SYNE2: variants seen among roughly 807,000 people sequenced by gnomAD.
SYNE2 encodes the protein nesprin-2.
Under a neutral mutation model 856.3 loss-of-function variants are expected in SYNE2, and 431 were observed. The ratio of observed to expected loss-of-function variants is 0.50; its 90% CI spans 0.47 to 0.55. The LOEUF is 0.55. Among genes scored for constraint, SYNE2 ranks in the 20% least tolerant of loss-of-function variants. The pLI, the probability that SYNE2 is intolerant of heterozygous loss-of-function variation, is 0.00. For missense variants in SYNE2, 8,129 were observed against 8,023.2 expected, an observed-to-expected ratio of 1.01 and a Z score of -0.50; for synonymous variants, 2,923 against 2,872.3, an observed-to-expected ratio of 1.02 and a Z score of -0.56.
At chr14:64,152,778 T>C in intron 85 of SYNE2, 62 bp downstream of exon 85, 1 of 1,606,508 alleles carries the variant, frequency 6.2e-7, no homozygotes, top group Non-Finnish European at 8.5e-7. Flanking sequence ...TTATTTGTCG[T>C]TGTAGTTGTT....
intron 45 of SYNE2, among the ~76,000 whole-genome samples, chr14:64,046,300 C>T (rs1336061790): frequency 6.6e-6 from 1 of 152,156 alleles, no homozygotes; most frequent in Non-Finnish European, 1.5e-5. Flanking sequence ...TTCTGCCTTA[C>T]CTAGGTTTGA....
At chr14:63,891,608 C>T (rs1239131971) in intron 1 of SYNE2, among the ~76,000 whole-genome samples, 2 of 151,910 alleles carry the variant, frequency 1.3e-5, no homozygotes, top group Non-Finnish European at 2.9e-5. Context: ...TTGTCTTCAG[C>T]TCAAAATAAC....
At chr14:64,125,659 A>G (rs938375781) in intron 71 of SYNE2, among the ~76,000 whole-genome samples, 1 of 152,192 alleles carries the variant, frequency 6.6e-6, no homozygotes, top group Non-Finnish European at 1.5e-5. Context: ...TAAACTACTT[A>G]TAACTGTTCA....
intron 1 of SYNE2, chr14:63,762,145 A>G: frequency 2.7e-6 from 1 of 376,538 alleles, no homozygotes; most frequent in Non-Finnish European, 5.6e-6. Context: ...AAAGCAAGTT[A>G]AAGTGGCCAG....
intron 11 of SYNE2, among the ~76,000 whole-genome samples, chr14:63,968,300 A>G (rs2096424265): frequency 6.6e-6 from 1 of 152,210 alleles, no homozygotes; most frequent in Non-Finnish European, 1.5e-5. Context: ...TATTTTCTCC[A>G]TGGCATCATT....
At chr14:64,119,864 T>C (rs1332508780) in intron 67 of SYNE2, among the ~76,000 whole-genome samples, 1 of 152,208 alleles carries the variant, frequency 6.6e-6, no homozygotes, top group African/African-American at 2.4e-5. Context: ...TAGCTGAGTG[T>C]TCTTGTTGGC....
chr14:64,170,882 G>T (rs1284446533), intron 94 of SYNE2, among the ~76,000 whole-genome samples: 3 of 152,042 alleles, frequency 2.0e-5, no homozygotes, highest in African/African-American at 4.8e-5. Context: ...GAATGAATAA[G>T]ACCTACTATT....
chr14:63,974,847 TGTAC>T (rs370547381), intron 11 of SYNE2, among the ~76,000 whole-genome samples: 6 of 98,758 alleles, frequency 6.1e-5, no homozygotes, highest in African/African-American at 1.3e-4. Flanking sequence ...TGTGTGTGTG[TGTAC>T]ATGTGTGTGT....
At chr14:63,766,658 C>G (rs1566553164) in intron 1 of SYNE2, among the ~76,000 whole-genome samples, 1 of 152,178 alleles carries the variant, frequency 6.6e-6, no homozygotes, top group Non-Finnish European at 1.5e-5. Context: ...GTTCTCCAGA[C>G]AGGAAGGAAA....
At position 63,814,089 on chromosome 14, in the gene SYNE2, A is replaced by G. The variant is rs547547991; in HGVS notation, c.-304-38412A>G. Among the ~76,000 whole-genome samples the G allele has an allele frequency of 1.8e-3, 265 of 150,818 alleles. 1 individual carries two copies. The highest frequency in any genetic ancestry group is 6.2e-3 in the African/African-American group (255 of 40,896). ...AACAACAACAACAACAACAACAACA[A>G]CAGCAACAACAATAACAAAAAACTA... On this transcript the variant is annotated intron_variant, in intron 1 of 23. Transcript: ENST00000674003.
At chr14:63,849,294 T>A, upstream of SYNE2, among the ~76,000 whole-genome samples, 1 of 143,158 alleles carries the variant, frequency 7.0e-6, no homozygotes. Context: ...TGCAGTAACA[T>A]AGTAATGCAA....
chr14:63,804,066 A>G (rs1168873355), intron 1 of SYNE2, among the ~76,000 whole-genome samples: 1 of 152,194 alleles, frequency 6.6e-6, no homozygotes, highest in Non-Finnish European at 1.5e-5. Context: ...TGCCATGATT[A>G]TAAGTTTCCT....
intron 7 of SYNE2, among the ~76,000 whole-genome samples, chr14:63,952,525 G>A (rs1054711383): frequency 6.6e-6 from 1 of 152,208 alleles, no homozygotes; most frequent in African/African-American, 2.4e-5. Flanking sequence ...TCTAAAGTCA[G>A]AGTACCCGGA....
intron 1 of SYNE2, among the ~76,000 whole-genome samples, chr14:63,836,767 C>T (rs1369391673): frequency 6.6e-6 from 1 of 152,174 alleles, no homozygotes; most frequent in East Asian, 1.9e-4. Context: ...ACAGTCTGTG[C>T]TCAACACAGC....
At chr14:64,138,925 TGTGTGTGTGTGTGTATGTATG>T (rs1384274931) in intron 79 of SYNE2, among the ~76,000 whole-genome samples, 22 of 145,112 alleles carry the variant, frequency 1.5e-4, no homozygotes, top group East Asian at 6.1e-4. Flanking sequence ...TGTGTGTGTG[TGTGTGTGTGTGTGTATGTATG>T]GTGTGTGTGT....
intron 45 of SYNE2, among the ~76,000 whole-genome samples, chr14:64,038,772 C>G (rs1383028440): frequency 3.9e-5 from 6 of 152,218 alleles, no homozygotes; most frequent in Non-Finnish European, 8.8e-5. Context: ...AGGGAGGTTG[C>G]AGTGAGCCCA....
At chr14:64,183,394 G>T (rs1375928197) in intron 96 of SYNE2, among the ~76,000 whole-genome samples, 1 of 151,966 alleles carries the variant, frequency 6.6e-6, no homozygotes, top group Non-Finnish European at 1.5e-5. Context: ...TTCCTAGACG[G>T]GATGGCAGCC....
intron 26 of SYNE2, 42 bp downstream of exon 26, chr14:63,998,370 C>CT: frequency 7.5e-7 from 1 of 1,330,834 alleles, no homozygotes. Context: ...CACCAGAAGT[C>CT]TTTCATCGAT....
At chr14:63,897,486 A>G (rs544105580) in intron 1 of SYNE2, among the ~76,000 whole-genome samples, 1 of 152,102 alleles carries the variant, frequency 6.6e-6, no homozygotes, top group African/African-American at 2.4e-5. Context: ...TTTTCCTTAC[A>G]AACAGTTCTA....
Sources: allele counts gnomAD v4.1 joint callset (sites outside exome capture counted in the v4.1 genomes callset), GRCh38; gene constraint gnomAD v4.1.1; transcripts MANE v1.5; gene names NCBI Gene and HGNC (gene_info 2026-07-23, HGNC 2026-07-21).